BTBD9: variants seen among roughly 807,000 people sequenced by gnomAD.
BTBD9 encodes BTB/POZ domain-containing protein 9.
BTBD9 carries 49 observed loss-of-function variants against 64.3 expected under a neutral mutation model. That is an observed-to-expected ratio of 0.76 (90% CI 0.61 to 0.97). BTBD9 has a LOEUF of 0.97. BTBD9 is among the 50% of genes least tolerant of loss of function. The probability of loss-of-function intolerance (pLI) is 0.00; values close to 1 mark genes in which losing one functional copy is unlikely to be tolerated. For synonymous variants in BTBD9, 260 were observed against 274.7 expected (o/e 0.95, Z 0.53); for missense variants, 598 against 762.1 (o/e 0.78, Z 2.53).
chr6:38,496,543 G>C (rs1428470047), intron 6 of BTBD9, among the ~76,000 whole-genome samples: 2 of 151,848 alleles, frequency 1.3e-5, no homozygotes, highest in Admixed American at 1.3e-4. Context: ...CAACCACTCA[G>C]GAGGCTGGGG....
chr6:38,592,401 T>G (rs1383941034), intron 4 of BTBD9, among the ~76,000 whole-genome samples, 175 bp downstream of exon 4: 1 of 152,070 alleles, frequency 6.6e-6, no homozygotes, highest in African/African-American at 2.4e-5. Context: ...CTAATCAATC[T>G]CAGGAGGAAT....
intron 6 of BTBD9, among the ~76,000 whole-genome samples, chr6:38,418,118 C>A (rs184893265): frequency 6.6e-6 from 1 of 152,014 alleles, no homozygotes; most frequent in African/African-American, 2.4e-5. Flanking sequence ...CAGATTTAAC[C>A]GCATTGGAAA....
intron 9 of BTBD9, among the ~76,000 whole-genome samples, chr6:38,223,328 T>A (rs1014271121): frequency 6.6e-6 from 1 of 152,174 alleles, no homozygotes; most frequent in Non-Finnish European, 1.5e-5. Context: ...TGTGCAGGAA[T>A]TCTGAAGTTA....
At chr6:38,282,896 T>A (rs1005119893) in intron 8 of BTBD9, among the ~76,000 whole-genome samples, 1 of 148,908 alleles carries the variant, frequency 6.7e-6, no homozygotes, top group Non-Finnish European at 1.5e-5. Context: ...ATATCAGCCA[T>A]CTAAAAAACA....
chr6:38,414,007 G>A (rs1313201869), intron 6 of BTBD9, among the ~76,000 whole-genome samples: 1 of 152,122 alleles, frequency 6.6e-6, no homozygotes, highest in East Asian at 1.9e-4. Flanking sequence ...CAGACAAAGT[G>A]ACAAGTGCTG....
intron 6 of BTBD9, among the ~76,000 whole-genome samples, chr6:38,464,639 G>A (rs1770260421): frequency 6.6e-6 from 1 of 152,136 alleles, no homozygotes; most frequent in Admixed American, 6.5e-5. Flanking sequence ...AGGATTACAG[G>A]TGCCTGCCAC....
chr6:38,620,776 T>C, intron 1 of BTBD9, among the ~76,000 whole-genome samples: 1 of 152,144 alleles, frequency 6.6e-6, no homozygotes, highest in East Asian at 1.9e-4. Context: ...GGGGGTTCCT[T>C]GGGATCACCA....
At chr6:38,574,067 A>T (rs1287245743) in intron 6 of BTBD9, among the ~76,000 whole-genome samples, 1 of 152,192 alleles carries the variant, frequency 6.6e-6, no homozygotes, top group African/African-American at 2.4e-5. Flanking sequence ...CTCCAGTTAA[A>T]GGCTGAAGAG....
chr6:38,482,511 A>G (rs535767053), intron 6 of BTBD9: 2 of 152,010 alleles, frequency 1.3e-5, no homozygotes, highest in South Asian at 4.2e-4. Flanking sequence ...ATTCTAAGAT[A>G]TAAACACTTA....
chr6:38,546,949 G>A (rs1774578490), intron 6 of BTBD9, among the ~76,000 whole-genome samples: 1 of 152,224 alleles, frequency 6.6e-6, no homozygotes, highest in South Asian at 2.1e-4. Flanking sequence ...TTACAGGCAT[G>A]AGCCACTGCA....
At chr6:38,391,831 C>T (rs1169243707) in intron 6 of BTBD9, among the ~76,000 whole-genome samples, 1 of 152,120 alleles carries the variant, frequency 6.6e-6, no homozygotes, top group Non-Finnish European at 1.5e-5. Context: ...GGTTTTTGCT[C>T]CTCTTACAGC....
chr6:38,491,213 G>A (rs1350091062), intron 6 of BTBD9, among the ~76,000 whole-genome samples: 2 of 152,228 alleles, frequency 1.3e-5, no homozygotes, highest in African/African-American at 4.8e-5. Flanking sequence ...AGATGAAAGT[G>A]ATGTCCTCTG....
chr6:38,420,829 T>G (rs1767868577), intron 6 of BTBD9, among the ~76,000 whole-genome samples: 1 of 151,794 alleles, frequency 6.6e-6, no homozygotes, highest in African/African-American at 2.4e-5. Flanking sequence ...GCACTCTAGC[T>G]TGGCAACAGA....
At chr6:38,427,471 C>T (rs1010656780) in intron 6 of BTBD9, among the ~76,000 whole-genome samples, 7 of 151,948 alleles carry the variant, frequency 4.6e-5, no homozygotes, top group East Asian at 1.9e-4. Context: ...GAGAAAAGTA[C>T]GCACCAGGGA....
intron 6 of BTBD9, among the ~76,000 whole-genome samples, chr6:38,435,892 C>G (rs1768714080): frequency 6.6e-6 from 1 of 151,410 alleles, no homozygotes; most frequent in Non-Finnish European, 1.5e-5. Flanking sequence ...TGGTCTCAAA[C>G]TCCTGACCTC....
chr6:38,255,763 G>A (rs1017704348), intron 9 of BTBD9, among the ~76,000 whole-genome samples: 1 of 152,192 alleles, frequency 6.6e-6, no homozygotes, highest in African/African-American at 2.4e-5. Flanking sequence ...GAATAGGATA[G>A]AGCCCCATAA....
At chr6:38,595,684 C>T in intron 2 of BTBD9, 1 of 780,708 alleles carries the variant, frequency 1.3e-6, no homozygotes, top group Non-Finnish European at 1.6e-6. Context: ...ACTTGTCCCA[C>T]CCTCCCCCAG....
chr6:38,200,546 A>T (rs1219153415), intron 9 of BTBD9, among the ~76,000 whole-genome samples: 6 of 152,200 alleles, frequency 3.9e-5, no homozygotes, highest in Admixed American at 2.0e-4. Context: ...AAGACAGAAG[A>T]CCCAAATTAA....
intron 7 of BTBD9, among the ~76,000 whole-genome samples, chr6:38,308,888 G>T (rs1477031188): frequency 6.6e-6 from 1 of 151,838 alleles, no homozygotes; most frequent in Non-Finnish European, 1.5e-5. Flanking sequence ...CCCCCAAAGT[G>T]CTGGGATTAC....
Sources: gnomAD v4.1 joint callset for allele counts (sites outside exome capture counted in the v4.1 genomes callset) on GRCh38, gnomAD v4.1.1 for gene constraint, MANE v1.5 for transcripts, NCBI Gene and HGNC (gene_info 2026-07-23, HGNC 2026-07-21) for gene names.